ATIC: variants seen among roughly 807,000 people sequenced by gnomAD.
The protein encoded by ATIC is 5-aminoimidazole-4-carboxamide ribonucleotide formyltransferase/IMP cyclohydrolase, also known as bifunctional purine biosynthesis protein ATIC.
A neutral mutation model predicts 72.5 loss-of-function variants in ATIC; 64 were observed. The ratio of observed to expected loss-of-function variants is 0.88; its 90% CI spans 0.72 to 1.09. The LOEUF (loss-of-function observed/expected upper bound fraction) is 1.09. Among genes scored for constraint, ATIC ranks in the 50% least tolerant of loss-of-function variants. The pLI is 0.00. For synonymous variants in ATIC, 281 were observed against 267.1 expected (o/e 1.05, Z -0.51); for missense variants, 787 against 732.4 (o/e 1.07, Z -0.86).
At position 215,338,885 on chromosome 2, in the gene ATIC, ATGT is replaced by A; in HGVS notation, c.1210_1212del (p.Val404del). ...GTCGTCGACAAGTCATTATTTAGCA[ATGT>A]TGTTACCAAAAATAAAGATGTAAGT... is the stretch of plus-strand genomic sequence containing the variant. On this transcript the variant is annotated inframe_deletion, in exon 12 of 16. Transcript: ENST00000236959. The A allele has an allele frequency of 6.2e-7, 1 of 1,613,716 alleles. No homozygotes were observed. The highest frequency in any genetic ancestry group is 1.1e-5 in the South Asian group (1 of 91,066).
At position 215,312,486 on chromosome 2, in the gene ATIC, C is replaced by T; in HGVS notation, c.20-12C>T. On this transcript the variant is annotated splice_polypyrimidine_tract_variant and intron_variant, in intron 1 of 15. Coordinates refer to ENST00000236959, the MANE Select transcript of ATIC (RefSeq NM_004044.7). Reference sequence around the variant, plus strand: ...TGCTGCGAATCATGAGAAAAAATGTCTTCTCTTTCAGCCTTATTTAGTGTC... The same window carrying T: ...TGCTGCGAATCATGAGAAAAAATGTTTTCTCTTTCAGCCTTATTTAGTGTC... 5 of 1,614,218 alleles carry T rather than the reference C, an allele frequency of 3.1e-6. No individual in the cohort carries two copies. The highest frequency in any genetic ancestry group is 8.5e-7 in the Non-Finnish European group (1 of 1,180,034).
In ATIC at chr2:215,333,459, T is replaced by A; in HGVS notation, c.922+2T>A. The A allele has an allele frequency of 1.9e-6, 3 of 1,612,304 alleles. No homozygotes were observed. The highest frequency in any genetic ancestry group is 2.5e-6 in the Non-Finnish European group (3 of 1,178,502). On this transcript the variant is annotated splice_donor_variant, in intron 9 of 15. Transcript: ENST00000236959. LOFTEE classifies it high-confidence loss of function. ...CAGCGGCATATGCAAGAGCAAGAGG[T>A]CAGACTCATAGGGCTTTTTGATTTG...
chr2:215,357,419 A>G, the ATIC span, among the ~76,000 whole-genome samples: 6 of 152,218 alleles, frequency 3.9e-5, no homozygotes, highest in Non-Finnish European at 7.3e-5. Flanking sequence ...GGGGCTCCAC[A>G]TGAGCTGTTT....
In ATIC at chr2:215,312,499, C is replaced by G. The variant is rs1559264040; in HGVS notation, c.21C>G (p.Ala7=). The change falls in exon 2 of 16, where the codon GCC becomes GCG. Residue 7 remains alanine (A), a splice_region_variant and synonymous_variant. Coordinates refer to ENST00000236959, the MANE Select transcript of ATIC (RefSeq NM_004044.7). The stretch of plus-strand genomic sequence containing the variant: ...GAGAAAAAATGTCTTCTCTTTCAGC[C>G]TTATTTAGTGTCTCTGACAAAACCG... The part of the protein sequence containing the change: MAPGQL[A]LFSVSDKTGL... 3 of 1,614,070 alleles carry G rather than the reference C, an allele frequency of 1.9e-6. No individual in the cohort carries two copies. Among genetic ancestry groups the G allele is most frequent in the African/African-American group, 2.7e-5 (2 of 74,938 alleles).
At chr2:215,327,836 G>T (rs986543986) in intron 7 of ATIC, among the ~76,000 whole-genome samples, 2 of 152,122 alleles carry the variant, frequency 1.3e-5, no homozygotes, top group Non-Finnish European at 2.9e-5. Flanking sequence ...GGTGGGAGGA[G>T]AATCTGAAAG....
the ATIC span, chr2:215,361,652 AAAT>A: frequency 2.9e-5 from 45 of 1,555,434 alleles, no homozygotes; most frequent in African/African-American, 5.3e-4. Flanking sequence ...AAGGAAAAAA[AAAT>A]TAGTGGCAAA....
the ATIC span, chr2:215,361,549 G>A: frequency 6.3e-7 from 1 of 1,592,904 alleles, no homozygotes; most frequent in East Asian, 2.2e-5. Context: ...GGATTGGAAA[G>A]ATGATTTACT....
intron 2 of ATIC, 95 bp downstream of exon 2, chr2:215,312,719 C>A: frequency 6.4e-7 from 1 of 1,568,014 alleles, no homozygotes; most frequent in Non-Finnish European, 8.7e-7. Flanking sequence ...CTTATTTACT[C>A]CTCCCAGTAG....
chr2:215,318,573 A>G (rs1306968875), intron 3 of ATIC, among the ~76,000 whole-genome samples: 24 of 152,226 alleles, frequency 1.6e-4, no homozygotes, highest in Non-Finnish European at 4.4e-5. Flanking sequence ...AGAAAGCATC[A>G]CAGCGTAACT....
chr2:215,349,367 G>A, intron 15 of ATIC, 118 bp downstream of exon 15: 1 of 1,577,732 alleles, frequency 6.3e-7, no homozygotes, highest in Non-Finnish European at 8.7e-7. Context: ...GTAATATTCA[G>A]AGAACCATTT....
Position 215,349,002 on chromosome 2 carries a change from A to T in ATIC, c.1504-92A>T, listed in dbSNP as rs1012222193. Reference sequence around the variant, plus strand: ...ATAATAAAAACAAGTCCTAAGAAAAATGCCCAGGTGCTTTCTGGCATGGTG... The same window carrying T: ...ATAATAAAAACAAGTCCTAAGAAAATTGCCCAGGTGCTTTCTGGCATGGTG... On this transcript the variant is annotated intron_variant, in intron 14 of 15. Transcript: ENST00000236959. 7.9e-6 allele frequency: 10 copies of T among 1,266,824 alleles called. No homozygotes were observed. The African/African-American group carries it at 1.2e-4, about 15-fold the overall frequency. 78.5% of individuals were successfully genotyped at this position (1,266,824 alleles called of 1,614,324 possible).
chr2:215,315,401 G>A (rs544183248), intron 2 of ATIC, among the ~76,000 whole-genome samples: 2 of 152,212 alleles, frequency 1.3e-5, no homozygotes, highest in African/African-American at 4.8e-5. Flanking sequence ...CTGTCACCCA[G>A]GCTGGAGTGC....
chr2:215,326,091 G>A lies in ATIC; in HGVS notation c.484G>A (p.Glu162Lys), dbSNP rs1232336081. 1.4e-5 allele frequency: 23 copies of A among 1,614,136 alleles called. No individual in the cohort carries two copies. The highest frequency in any genetic ancestry group is 1.9e-5 in the Non-Finnish European group (22 of 1,180,004). The change falls in exon 6 of 16, where the codon GAG becomes AAG. Residue 162 changes from glutamate to lysine, a missense_variant. Coordinates refer to ENST00000236959, the MANE Select transcript of ATIC (RefSeq NM_004044.7). ...VVVSTEMQSS[E>K]SKDTSLETRR... Reference sequence around the variant, plus strand: ...GGTGTCCACGGAGATGCAGAGCTCCGAGAGTAAGGACACCTCCTTGGAGAC... The same window carrying A: ...GGTGTCCACGGAGATGCAGAGCTCCAAGAGTAAGGACACCTCCTTGGAGAC...
chr2:215,357,866 A>G, the ATIC span, among the ~76,000 whole-genome samples: 1 of 150,932 alleles, frequency 6.6e-6, no homozygotes, highest in Non-Finnish European at 1.5e-5. Context: ...TTTTTTCTTA[A>G]GAGTTGAATT....
chr2:215,322,411 C>T (rs2052778131), intron 4 of ATIC, among the ~76,000 whole-genome samples: 1 of 149,408 alleles, frequency 6.7e-6, no homozygotes, highest in African/African-American at 2.5e-5. Flanking sequence ...CTCACTGCAA[C>T]CTTCGCCTCC....
chr2:215,363,315 A>G, the ATIC span: 2 of 152,180 alleles, frequency 1.3e-5, no homozygotes, highest in African/African-American at 2.4e-5. Context: ...CCATCACACA[A>G]TTTCATACCA....
rs115040681 is a variant in ATIC, at chr2:215,341,123, C to T, written c.1227+2216C>T. Among the ~76,000 whole-genome samples the T allele has an allele frequency of 9.2e-5, 14 of 152,250 alleles. No homozygotes were observed. In the East Asian group the frequency reaches 1.3e-3, roughly 15 times the overall value. On this transcript the variant is annotated intron_variant, in intron 12 of 15. Coordinates refer to ENST00000236959, the MANE Select transcript of ATIC (RefSeq NM_004044.7). ...AGAGTTCTGTCTGTTGATAAGCATA[C>T]GACGATTAACATATCTTTTTTGTTT...
chr2:215,319,115 A>G (rs1394856230), intron 3 of ATIC, among the ~76,000 whole-genome samples: 1 of 152,118 alleles, frequency 6.6e-6, no homozygotes, highest in African/African-American at 2.4e-5. Context: ...ACCTGGGCTC[A>G]AGCGATCCCC....
chr2:215,314,229 G>A (rs980973250), intron 2 of ATIC, among the ~76,000 whole-genome samples: 1 of 152,154 alleles, frequency 6.6e-6, no homozygotes, highest in Non-Finnish European at 1.5e-5. Context: ...AGTTCACCAT[G>A]AGTGATTTAT....
Sources: allele counts gnomAD v4.1 joint callset (sites outside exome capture counted in the v4.1 genomes callset), GRCh38; gene constraint gnomAD v4.1.1; transcripts MANE v1.5; gene names NCBI Gene and HGNC (gene_info 2026-07-23, HGNC 2026-07-21).